MTOR: variants seen among roughly 807,000 people sequenced by gnomAD.
MTOR encodes the protein mechanistic target of rapamycin kinase, also known as serine/threonine-protein kinase mTOR.
Under a neutral mutation model 319.8 loss-of-function variants are expected in MTOR, and 70 were observed. The observed-to-expected ratio is 0.22, with a 90% CI of 0.18 to 0.27. The LOEUF (loss-of-function observed/expected upper bound fraction) is 0.27, where lower values mean the gene tolerates loss of function less well. Among genes scored for constraint, MTOR ranks in the 10% least tolerant of loss-of-function variants. MTOR has a pLI of 1.00. For missense variants in MTOR, 1,890 were observed against 3,274.4 expected (o/e 0.58, Z 10.32); for synonymous variants, 1,183 against 1,211.4 (o/e 0.98, Z 0.49).
chr1:11,249,610 G>A (rs1040149284), intron 6 of MTOR, among the ~76,000 whole-genome samples: 2 of 137,250 alleles, frequency 1.5e-5, no homozygotes, highest in Non-Finnish European at 3.2e-5. Context: ...ATTAGGGAGT[G>A]GTGATGACTC....
At chr1:11,172,557 C>CA (rs767483973) in intron 28 of MTOR, among the ~76,000 whole-genome samples, 2,141 of 56,060 alleles carry the variant, frequency 0.038, 76 homozygotes, top group African/African-American at 0.08. Flanking sequence ...GACTCTGTCT[C>CA]AAAAAAAAAA....
intron 29 of MTOR, among the ~76,000 whole-genome samples, chr1:11,162,166 C>G (rs55672891): frequency 6.6e-6 from 1 of 152,074 alleles, no homozygotes; most frequent in Non-Finnish European, 1.5e-5. Context: ...ATTTGATCAA[C>G]TGGAAGAAAG....
intron 20 of MTOR, among the ~76,000 whole-genome samples, chr1:11,214,001 C>T (rs1646392911): frequency 6.6e-6 from 1 of 152,226 alleles, no homozygotes; most frequent in Non-Finnish European, 1.5e-5. Context: ...TCCCTCTAGA[C>T]TGTAGGCTAC....
intron 31 of MTOR, among the ~76,000 whole-genome samples, chr1:11,148,436 T>C (rs537712303): frequency 1.3e-5 from 2 of 152,302 alleles, no homozygotes; most frequent in African/African-American, 4.8e-5. Flanking sequence ...TCCTGAGTGA[T>C]AGGAGTGTTC....
intron 29 of MTOR, among the ~76,000 whole-genome samples, chr1:11,161,055 T>C (rs1644462591): frequency 1.3e-5 from 2 of 152,170 alleles, no homozygotes; most frequent in South Asian, 4.1e-4. Flanking sequence ...TTGTGACAGA[T>C]GGCACCTGGA....
chr1:11,212,525 A>G lies in MTOR; in HGVS notation c.3399-51T>C. ...ACTGCTAACATACAATCTCCAAGGAAGAGACGTGACTGAGGGTGAGCTTAA... is the reference window on the plus strand; with the variant it reads ...ACTGCTAACATACAATCTCCAAGGAGGAGACGTGACTGAGGGTGAGCTTAA... On this transcript the variant is annotated intron_variant, in intron 22 of 57. Coordinates refer to ENST00000361445, the MANE Select transcript of MTOR (RefSeq NM_004958.4). The surrounding 1 kb of genome is among the most constrained non-coding windows in gnomAD (Gnocchi z 4.1). 1.3e-6 allele frequency: 2 copies of G among 1,582,964 alleles called. No homozygotes were observed. Among genetic ancestry groups the G allele is most frequent in the Non-Finnish European group, 1.7e-6 (2 of 1,164,076 alleles).
intron 28 of MTOR, among the ~76,000 whole-genome samples, chr1:11,186,082 CA>C (rs765868801): frequency 0.011 from 456 of 42,996 alleles, 3 homozygotes; most frequent in African/African-American, 0.026. Context: ...GACTCCGTCT[CA>C]AAAAAAAAAA....
chr1:11,124,714 T>A (rs1642731237), intron 46 of MTOR, 81 bp from the exon 47 acceptor site: 1 of 1,475,588 alleles, frequency 6.8e-7, no homozygotes, highest in Non-Finnish European at 9.2e-7. Context: ...ATTCAAGAGA[T>A]CCCACAGACT....
At position 11,213,491 on chromosome 1, in the gene MTOR, C is replaced by T; in HGVS notation, c.3193G>A (p.Gly1065Ser). 1 of 1,614,136 alleles carries T rather than the reference C, an allele frequency of 6.2e-7. No individual in the cohort carries two copies. Among genetic ancestry groups the T allele is most frequent in the Non-Finnish European group, 8.5e-7 (1 of 1,180,024 alleles). ...LIEQIVVALG[G>S]EFKLYLPQLI... ...TGGGGCAGGTAGAGCTTAAATTCAC[C>T]CCCAAGAGCTACCACAATTTGCTCA... Residue 1065 changes from glycine to serine, a missense_variant, in exon 21 of 58, where the codon GGT becomes AGT. This residue lies in a region of MTOR where 377 missense variants were observed against 653.9 expected (regional missense o/e 0.58). Transcript: ENST00000361445.
intron 28 of MTOR, among the ~76,000 whole-genome samples, chr1:11,181,641 C>T (rs990127291): frequency 2.6e-5 from 4 of 152,184 alleles, no homozygotes; most frequent in Non-Finnish European, 5.9e-5. Flanking sequence ...GGAAAACTGA[C>T]CCCATGCAGG....
At chr1:11,148,596 C>T (rs1160724227) in intron 31 of MTOR, among the ~76,000 whole-genome samples, 2 of 152,080 alleles carry the variant, frequency 1.3e-5, no homozygotes, top group Non-Finnish European at 2.9e-5. Flanking sequence ...TTCTCCTCAT[C>T]TCTCTTTAAA....
In MTOR at chr1:11,133,237, C is replaced by CA. The variant is rs760785180; in HGVS notation, c.5247-41dup. 8.0e-5 allele frequency: 124 copies of CA among 1,548,076 alleles called. No individual in the cohort carries two copies. The highest frequency in any genetic ancestry group is 1.7e-4 in the Middle Eastern group (1 of 5,972). ...ACAAGCCCCCATGACATTCCCTCCT[C>CA]AAAACAGCCCTCCTAAGAGGACCAC... On this transcript the variant is annotated intron_variant, in intron 37 of 57. Transcript: ENST00000361445. The surrounding 1 kb of genome is among the most constrained non-coding windows in gnomAD (Gnocchi z 4.0).
At chr1:11,123,409 C>CTTTT (rs950653302) in intron 47 of MTOR, among the ~76,000 whole-genome samples, 29 of 122,018 alleles carry the variant, frequency 2.4e-4, no homozygotes, top group South Asian at 8.4e-4. Flanking sequence ...CTGTGCCCAG[C>CTTTT]TTTTTTTTTT....
Position 11,127,262 on chromosome 1 carries a change from G to T in MTOR, c.6217-118C>A. On this transcript the variant is annotated intron_variant, in intron 44 of 57. Coordinates refer to ENST00000361445, the MANE Select transcript of MTOR (RefSeq NM_004958.4). The surrounding 1 kb of genome is among the most constrained non-coding windows in gnomAD (Gnocchi z 5.5). ...AGCCCGCTGTGGCCTGAAAACACTG[G>T]CAGGGGGCTGGAGAAAGCAAGAGCA... The T allele has an allele frequency of 1.4e-6, 2 of 1,408,572 alleles. No homozygotes were observed. The highest frequency in any genetic ancestry group is 1.9e-6 in the Non-Finnish European group (2 of 1,037,674). 87.3% of individuals were successfully genotyped at this position (1,408,572 alleles called of 1,614,324 possible). A position where few individuals can be genotyped will look rare whatever the true frequency, so the allele number is the denominator to read the frequency against.
chr1:11,203,418 T>C (rs1303999392), intron 26 of MTOR, among the ~76,000 whole-genome samples: 2 of 152,170 alleles, frequency 1.3e-5, no homozygotes, highest in Non-Finnish European at 2.9e-5. Flanking sequence ...CTCATGTCTG[T>C]AATCCCAGCA....
At chr1:11,111,016 ACC>A (rs1353887191) in intron 54 of MTOR, 2 of 417,640 alleles carry the variant, frequency 4.8e-6, no homozygotes, top group Non-Finnish European at 9.6e-6. Context: ...GAGACCAGCC[ACC>A]AGTATAAGCT....
intron 49 of MTOR, among the ~76,000 whole-genome samples, chr1:11,118,228 ATTTTTTTTTTTTTTTTT>A (rs771785403): frequency 8.3e-6 from 1 of 120,766 alleles, no homozygotes; most frequent in African/African-American, 4.0e-5. Flanking sequence ...AACTTAGTTA[ATTTTTTTTTTTTTTTTT>A]TTTTTTTTTT....
At position 11,170,950 on chromosome 1, in the gene MTOR, A is replaced by G. The variant is rs1461954660; in HGVS notation, c.4254-3433T>C. Among the ~76,000 whole-genome samples the G allele has an allele frequency of 5.9e-5, 9 of 151,840 alleles. 1 individual carries two copies. The highest frequency in any genetic ancestry group is 2.2e-4 in the African/African-American group (9 of 41,238). ...GAAACTAACTCTAAGAAACGACATA[A>G]AAAACTGAGGCCGAGGTGGGTGGAT... is the stretch of plus-strand genomic sequence containing the variant. On this transcript the variant is annotated intron_variant, in intron 28 of 57. Coordinates refer to ENST00000361445, the MANE Select transcript of MTOR (RefSeq NM_004958.4).
intron 31 of MTOR, 92 bp downstream of exon 31, chr1:11,150,034 C>A: frequency 1.8e-6 from 2 of 1,095,484 alleles, no homozygotes; most frequent in South Asian, 1.3e-5. Context: ...AGACCTGGAT[C>A]TCCACCTAGA....
Sources: gnomAD v4.1 joint callset for allele counts (sites outside exome capture counted in the v4.1 genomes callset) on GRCh38, gnomAD v4.1.1 for gene constraint, gnomAD v4.1.1 regional missense constraint, Gnocchi (gnomAD v3.1) non-coding constraint, MANE v1.5 for transcripts, NCBI Gene and HGNC (gene_info 2026-07-23, HGNC 2026-07-21) for gene names.